Variants in HYDIN observed in about 807,000 individuals in gnomAD.
The protein encoded by HYDIN is HYDIN axonemal central pair apparatus protein, also known as axonemal central pair apparatus protein HYDIN.
HYDIN carries 132 observed loss-of-function variants against 403.9 expected under a neutral mutation model. That is an observed-to-expected ratio of 0.33 (90% CI 0.28 to 0.38). The LOEUF is 0.38. HYDIN is among the 10% of genes least tolerant of loss of function. The pLI is 1.00. For missense variants in HYDIN, 2,827 were observed against 5,009.5 expected (o/e 0.56, Z 13.15); for synonymous variants, 1,202 against 1,891.7 (o/e 0.64, Z 9.46).
intron 4 of HYDIN, among the ~76,000 whole-genome samples, chr16:71,176,521 A>T (rs2086677329): frequency 6.6e-6 from 1 of 152,072 alleles, no homozygotes; most frequent in Non-Finnish European, 1.5e-5. Context: ...TTTGACTCCC[A>T]TGCTACAGAC....
chr16:71,192,699 T>G (rs1683412395), intron 1 of HYDIN, among the ~76,000 whole-genome samples: 2 of 152,204 alleles, frequency 1.3e-5, no homozygotes, highest in Admixed American at 1.3e-4. Context: ...CAGGTCCTCG[T>G]GCTCACTCCT....
chr16:70,961,414 G>A (rs2078415873), intron 38 of HYDIN, among the ~76,000 whole-genome samples: 1 of 152,136 alleles, frequency 6.6e-6, no homozygotes, highest in East Asian at 1.9e-4. Flanking sequence ...CCTATTCTGG[G>A]GGTGGGCACA....
intron 22 of HYDIN, among the ~76,000 whole-genome samples, chr16:71,019,607 T>C (rs1363104781): frequency 2.6e-5 from 4 of 152,282 alleles, no homozygotes; most frequent in Admixed American, 2.0e-4. Context: ...GTTTTGAAGA[T>C]TGACTTAACT....
At chr16:70,969,578 G>C (rs921545099) in intron 36 of HYDIN, among the ~76,000 whole-genome samples, 1 of 151,620 alleles carries the variant, frequency 6.6e-6, no homozygotes, top group African/African-American at 2.4e-5. Context: ...CTCAGATGAA[G>C]GAAAACTAAG....
At chr16:71,011,341 G>C (rs565554628) in intron 23 of HYDIN, among the ~76,000 whole-genome samples, 1 of 152,294 alleles carries the variant, frequency 6.6e-6, no homozygotes, top group African/African-American at 2.4e-5. Flanking sequence ...ACAGCGCTTG[G>C]ATTCTAACCA....
Position 71,186,931 on chromosome 16 carries a change from C to G in HYDIN, c.-23-13G>C, listed in dbSNP as rs758658868. The G allele has an allele frequency of 3.0e-5, 47 of 1,566,178 alleles. No homozygotes were observed. The highest frequency in any genetic ancestry group is 4.0e-5 in the Non-Finnish European group (46 of 1,148,810). ...TTTTTTTTCTCACCTAAGAGTGAAA[C>G]AAAAATGTCTTAGAACAAATACAGT... On this transcript the variant is annotated splice_polypyrimidine_tract_variant and intron_variant, in intron 1 of 85. Transcript: ENST00000393567.
In HYDIN at chr16:70,920,644, C is replaced by T; in HGVS notation, c.7732G>A (p.Gly2578Ser). 6.2e-7 allele frequency: 1 copy of T among 1,614,026 alleles called. No homozygotes were observed. The highest frequency in any genetic ancestry group is 8.5e-7 in the Non-Finnish European group (1 of 1,179,972). ...FLDIQTPDFE[G>S]LSWKQALESD... ...TCTAGGGCCTGCTTCCAGCTCAAGCCTTCAAAGTCTGGTGTCTGGATGTCT... is the reference window on the plus strand; with the variant it reads ...TCTAGGGCCTGCTTCCAGCTCAAGCTTTCAAAGTCTGGTGTCTGGATGTCT... The change falls in exon 46 of 86, where the codon GGC becomes AGC. Residue 2578 changes from glycine to serine, a missense_variant. Transcript: ENST00000393567.
chr16:70,841,118 A>C (rs2037789605), intron 75 of HYDIN, among the ~76,000 whole-genome samples: 1 of 151,830 alleles, frequency 6.6e-6, no homozygotes, highest in Non-Finnish European at 1.5e-5. Flanking sequence ...TATACATTTA[A>C]AAACATTTTC....
intron 52 of HYDIN, among the ~76,000 whole-genome samples, chr16:70,901,584 CTTTTTT>C (rs77192535): frequency 4.1e-5 from 5 of 123,308 alleles, no homozygotes; most frequent in Middle Eastern, 4.6e-3. Context: ...TATTTTCTTT[CTTTTTT>C]TTTTTTTTTT....
chr16:71,178,893 T>A, intron 4 of HYDIN, 35 bp downstream of exon 4: 1 of 1,587,344 alleles, frequency 6.3e-7, no homozygotes, highest in East Asian at 2.2e-5. Flanking sequence ...TCATATATCC[T>A]GGAACAGTTC....
intron 62 of HYDIN, among the ~76,000 whole-genome samples, chr16:70,877,353 A>T (rs1027688917): frequency 6.6e-6 from 1 of 151,958 alleles, no homozygotes; most frequent in African/African-American, 2.4e-5. Flanking sequence ...AGTCTAGTGA[A>T]TTCTAACAAG....
At chr16:70,860,370 C>T (rs1304372538) in intron 70 of HYDIN, among the ~76,000 whole-genome samples, 164 bp from the exon 71 acceptor site, 1 of 144,096 alleles carries the variant, frequency 6.9e-6, no homozygotes, top group African/African-American at 2.9e-5. Flanking sequence ...CTCTAGCGAT[C>T]CACAGTCAGG....
chr16:70,875,932 A>G (rs1351356291), intron 62 of HYDIN, among the ~76,000 whole-genome samples: 1 of 152,258 alleles, frequency 6.6e-6, no homozygotes, highest in African/African-American at 2.4e-5. Context: ...TAAAGCCACA[A>G]TAATGGAAAC....
At chr16:70,934,129 G>T (rs1211403246) in intron 45 of HYDIN, among the ~76,000 whole-genome samples, 1 of 152,106 alleles carries the variant, frequency 6.6e-6, no homozygotes, top group Non-Finnish European at 1.5e-5. Flanking sequence ...CGTCAAGCAA[G>T]TCAAGGCCTA....
intron 7 of HYDIN, among the ~76,000 whole-genome samples, chr16:71,138,998 C>A (rs980509923): frequency 6.6e-6 from 1 of 150,588 alleles, no homozygotes; most frequent in African/African-American, 2.5e-5. Flanking sequence ...GCAGGAGAAT[C>A]ACTTGAACCC....
intron 1 of HYDIN, chr16:71,204,052 C>A: frequency 4.7e-6 from 1 of 213,328 alleles, no homozygotes; most frequent in Non-Finnish European, 9.5e-6. Context: ...GTGACAGAGT[C>A]AGACTCTGTC....
chr16:70,962,322 G>C (rs1284940767), intron 37 of HYDIN, among the ~76,000 whole-genome samples, 184 bp from the exon 38 acceptor site: 3 of 150,300 alleles, frequency 2.0e-5, no homozygotes, highest in Non-Finnish European at 4.4e-5. Context: ...GTCTCTCTGT[G>C]CACAGTGTTT....
intron 13 of HYDIN, 102 bp from the exon 14 acceptor site, chr16:71,069,604 G>C: frequency 3.0e-6 from 2 of 657,640 alleles, no homozygotes; most frequent in Admixed American, 2.9e-5. Flanking sequence ...TGAACTGTCT[G>C]TGCTATTCAT....
intron 64 of HYDIN, 115 bp from the exon 65 acceptor site, chr16:70,872,294 T>C: frequency 1.9e-6 from 1 of 539,390 alleles, no homozygotes. Flanking sequence ...TGGATGGCTA[T>C]ATTTGAGAAA....
Sources: allele counts gnomAD v4.1 joint callset (sites outside exome capture counted in the v4.1 genomes callset), GRCh38; gene constraint gnomAD v4.1.1; transcripts MANE v1.5; gene names NCBI Gene and HGNC (gene_info 2026-07-23, HGNC 2026-07-21).